Variants in AP3B1 observed in about 807,000 individuals in gnomAD.
AP3B1 encodes adaptor related protein complex 3 subunit beta 1.
A neutral mutation model predicts 132.5 loss-of-function variants in AP3B1; 61 were observed. That is an observed-to-expected ratio of 0.46 (90% CI 0.37 to 0.57). AP3B1 has a LOEUF of 0.57. Ranked by LOEUF, AP3B1 falls within the 20% of genes least tolerant of loss-of-function variation. The probability of loss-of-function intolerance (pLI) is 0.00; values close to 1 mark genes in which losing one functional copy is unlikely to be tolerated. For missense variants in AP3B1, 1,120 were observed against 1,289.4 expected (o/e 0.87, Z 2.01); for synonymous variants, 388 against 438.3 (o/e 0.89, Z 1.43).
At chr5:78,086,792 G>T (rs1485573787) in intron 22 of AP3B1, among the ~76,000 whole-genome samples, 1 of 152,070 alleles carries the variant, frequency 6.6e-6, no homozygotes, top group Admixed American at 6.6e-5. Context: ...AAACACGTTG[G>T]ACAACGTGCT....
intron 22 of AP3B1, among the ~76,000 whole-genome samples, chr5:78,045,803 T>C (rs945905003): frequency 6.6e-6 from 1 of 152,218 alleles, no homozygotes; most frequent in Non-Finnish European, 1.5e-5. Flanking sequence ...AGATTTGGGC[T>C]GTGAAAATGA....
intron 22 of AP3B1, among the ~76,000 whole-genome samples, chr5:78,073,023 G>A (rs1039157576): frequency 2.6e-5 from 4 of 151,896 alleles, no homozygotes; most frequent in South Asian, 2.1e-4. Context: ...CCCAGCCCAC[G>A]TCTGATATAT....
intron 15 of AP3B1, among the ~76,000 whole-genome samples, chr5:78,137,006 A>T (rs1752946662): frequency 6.6e-6 from 1 of 152,190 alleles, no homozygotes; most frequent in African/African-American, 2.4e-5. Flanking sequence ...TTACCATATT[A>T]TGCAACCACT....
At chr5:78,074,740 G>A (rs890504666) in intron 22 of AP3B1, among the ~76,000 whole-genome samples, 1 of 152,182 alleles carries the variant, frequency 6.6e-6, no homozygotes, top group African/African-American at 2.4e-5. Context: ...CCTGAGGTTA[G>A]GAGTTCGAGA....
At chr5:78,220,170 T>C (rs1448783937) in intron 6 of AP3B1, among the ~76,000 whole-genome samples, 1 of 152,104 alleles carries the variant, frequency 6.6e-6, no homozygotes, top group Non-Finnish European at 1.5e-5. Flanking sequence ...AATATCTGTG[T>C]AGAATATTTT....
At chr5:78,123,911 C>T (rs533126909) in intron 17 of AP3B1, among the ~76,000 whole-genome samples, 4 of 152,124 alleles carry the variant, frequency 2.6e-5, no homozygotes, top group East Asian at 1.9e-4. Context: ...ATGTTTATTG[C>T]GGCACTATTC....
intron 26 of AP3B1, among the ~76,000 whole-genome samples, chr5:78,012,070 A>T (rs1746646023): frequency 6.6e-6 from 1 of 151,934 alleles, no homozygotes. Flanking sequence ...CTTTGGTCCT[A>T]CTCTTTATAA....
At chr5:78,119,210 CA>C (rs748973974) in intron 17 of AP3B1, among the ~76,000 whole-genome samples, 2 of 152,106 alleles carry the variant, frequency 1.3e-5, no homozygotes, top group Non-Finnish European at 2.9e-5. Flanking sequence ...CATCAAAGAT[CA>C]AAAGTAGATA....
At chr5:78,086,485 A>C (rs1750259403) in intron 22 of AP3B1, among the ~76,000 whole-genome samples, 1 of 152,200 alleles carries the variant, frequency 6.6e-6, no homozygotes, top group Non-Finnish European at 1.5e-5. Context: ...GCTTGCCCGA[A>C]GTCTCTAATT....
intron 3 of AP3B1, among the ~76,000 whole-genome samples, chr5:78,229,859 TG>T (rs1443157947): frequency 2.6e-5 from 4 of 152,220 alleles, no homozygotes; most frequent in African/African-American, 9.6e-5. Flanking sequence ...AGTACTATAC[TG>T]GATCATATTT....
At chr5:78,204,405 T>A (rs1745419862) in intron 7 of AP3B1, among the ~76,000 whole-genome samples, 1 of 152,234 alleles carries the variant, frequency 6.6e-6, no homozygotes, top group Admixed American at 6.5e-5. Context: ...CACTTCCTCT[T>A]CTGCAGAGCT....
chr5:78,142,899 C>T (rs1313650362), intron 14 of AP3B1, among the ~76,000 whole-genome samples: 1 of 152,056 alleles, frequency 6.6e-6, no homozygotes. Flanking sequence ...TTATTTCTAA[C>T]GTTCCAAAGG....
At chr5:78,168,822 A>C (rs1215442772) in intron 11 of AP3B1, among the ~76,000 whole-genome samples, 1 of 152,218 alleles carries the variant, frequency 6.6e-6, no homozygotes, top group Non-Finnish European at 1.5e-5. Context: ...TCAATATCAC[A>C]TACTGTATTA....
chr5:78,050,135 T>C (rs1351507753), intron 22 of AP3B1, among the ~76,000 whole-genome samples: 1 of 152,178 alleles, frequency 6.6e-6, no homozygotes, highest in Non-Finnish European at 1.5e-5. Context: ...TGGAAGGCAC[T>C]TTCTCCAGAG....
chr5:78,123,100 G>T (rs1752297719), intron 17 of AP3B1, among the ~76,000 whole-genome samples: 1 of 152,220 alleles, frequency 6.6e-6, no homozygotes, highest in Non-Finnish European at 1.5e-5. Flanking sequence ...ACGGGGAAAG[G>T]ATTCCCTATT....
chr5:78,049,016 T>C (rs1748463464), intron 22 of AP3B1, among the ~76,000 whole-genome samples: 1 of 152,226 alleles, frequency 6.6e-6, no homozygotes, highest in African/African-American at 2.4e-5. Flanking sequence ...GTATCTGCCA[T>C]ATCTGTAGGT....
chr5:78,117,412 C>A (rs373286578), intron 17 of AP3B1, among the ~76,000 whole-genome samples: 1 of 151,412 alleles, frequency 6.6e-6, no homozygotes, highest in Non-Finnish European at 1.5e-5. Flanking sequence ...TAGGTTCAAG[C>A]GATTGTCCTG....
At chr5:78,124,451 C>G (rs1406230008) in intron 17 of AP3B1, among the ~76,000 whole-genome samples, 1 of 152,140 alleles carries the variant, frequency 6.6e-6, no homozygotes, top group East Asian at 1.9e-4. Context: ...TAGCTCATAC[C>G]TGTACTCTCA....
chr5:78,125,532 C>A (rs1006314984), intron 17 of AP3B1, among the ~76,000 whole-genome samples: 1 of 152,014 alleles, frequency 6.6e-6, no homozygotes, highest in Non-Finnish European at 1.5e-5. Context: ...AAAGATAATA[C>A]GGACATTATT....
Sources: allele counts gnomAD v4.1 joint callset (sites outside exome capture counted in the v4.1 genomes callset), GRCh38; gene constraint gnomAD v4.1.1; transcripts MANE v1.5; gene names NCBI Gene and HGNC (gene_info 2026-07-23, HGNC 2026-07-21).